Variants in PPP1R12B observed in about 807,000 individuals in gnomAD.
PPP1R12B encodes the protein protein phosphatase 1 regulatory subunit 12B.
A neutral mutation model predicts 126.1 loss-of-function variants in PPP1R12B; 76 were observed. That is an observed-to-expected ratio of 0.60 (90% CI 0.50 to 0.73). The LOEUF (loss-of-function observed/expected upper bound fraction) is 0.73. Ranked by LOEUF, PPP1R12B falls within the 30% of genes least tolerant of loss-of-function variation. The pLI, the probability that PPP1R12B is intolerant of heterozygous loss-of-function variation, is 0.00. For synonymous variants in PPP1R12B, 356 were observed against 434.7 expected (o/e 0.82, Z 2.25); for missense variants, 1,052 against 1,205.1 (o/e 0.87, Z 1.88).
chr1:202,497,987 C>T (rs887102349), intron 18 of PPP1R12B, among the ~76,000 whole-genome samples: 9 of 152,130 alleles, frequency 5.9e-5, no homozygotes, highest in African/African-American at 1.9e-4. Context: ...TGAAATGGAA[C>T]ATTATCCATA....
chr1:202,453,573 C>T (rs1006364923), intron 13 of PPP1R12B, among the ~76,000 whole-genome samples: 1 of 151,936 alleles, frequency 6.6e-6, no homozygotes, highest in Non-Finnish European at 1.5e-5. Context: ...TCAGGTCCCA[C>T]GTGAGTATGT....
intron 1 of PPP1R12B, among the ~76,000 whole-genome samples, chr1:202,409,930 A>C (rs995513460): frequency 3.3e-5 from 5 of 152,094 alleles, no homozygotes; most frequent in African/African-American, 1.2e-4. Context: ...CTTATTGGCC[A>C]TTTGTATATC....
chr1:202,373,992 G>A (rs750410138), intron 1 of PPP1R12B, among the ~76,000 whole-genome samples: 9 of 152,036 alleles, frequency 5.9e-5, no homozygotes, highest in Non-Finnish European at 8.8e-5. Flanking sequence ...TTATAAAACC[G>A]TTAATAACCC....
chr1:202,395,114 CAAA>C (rs71142529), intron 1 of PPP1R12B, among the ~76,000 whole-genome samples: 1 of 97,954 alleles, frequency 1.0e-5, no homozygotes, highest in Non-Finnish European at 1.9e-5. Context: ...GAGACTCTCT[CAAA>C]AAAAAAAAAA....
At chr1:202,377,832 G>GTTTTTTTTTTTTTTT (rs74860606) in intron 1 of PPP1R12B, among the ~76,000 whole-genome samples, 1 of 97,306 alleles carries the variant, frequency 1.0e-5, no homozygotes, top group African/African-American at 5.0e-5. Flanking sequence ...AAAGACAGGT[G>GTTTTTTTTTTTTTTT]TTTTTTTTTT....
Position 202,405,597 on chromosome 1 carries a change from T to C in PPP1R12B, c.292-11190T>C, listed in dbSNP as rs182371741. On this transcript the variant is annotated intron_variant, in intron 1 of 23. Transcript: ENST00000608999. ...TGTACATTAGCTCATTTAATCCTAA[T>C]TGTAACTCCATGAAGTAGTTCTTAT... 2.0e-3 allele frequency among the ~76,000 whole-genome samples: 308 copies of C among 152,314 alleles called. 1 individual carries two copies. The highest frequency in any genetic ancestry group is 7.0e-3 in the African/African-American group (292 of 41,590).
rs34474600 is a variant in PPP1R12B, at chr1:202,466,459, C to CT, written c.1850+17298dup. On this transcript the variant is annotated intron_variant, in intron 13 of 23. Coordinates refer to ENST00000608999, the MANE Select transcript of PPP1R12B (RefSeq NM_002481.4). ...CTCCTTCTTTGTGTTCTTTTTAGCC[C>CT]TTTTTTTTTTCTGTAAACACCTTAG... is the stretch of plus-strand genomic sequence containing the variant. Among the ~76,000 whole-genome samples, 170 of 148,622 alleles carry CT rather than the reference C, an allele frequency of 1.1e-3. 6 individuals carry two copies. The highest frequency in any genetic ancestry group is 1.6e-3 in the African/African-American group (65 of 40,598).
At chr1:202,546,367 G>T (rs1185533376) in intron 18 of PPP1R12B, among the ~76,000 whole-genome samples, 3 of 152,190 alleles carry the variant, frequency 2.0e-5, no homozygotes, top group African/African-American at 7.2e-5. Context: ...CATTTTGGGA[G>T]GCAGAGATGG....
intron 18 of PPP1R12B, among the ~76,000 whole-genome samples, chr1:202,504,026 C>A (rs1680535055): frequency 6.6e-6 from 1 of 152,138 alleles, no homozygotes; most frequent in Admixed American, 6.5e-5. Flanking sequence ...TGTTAACTTA[C>A]CTCTTGGTCT....
At chr1:202,438,925 G>T in intron 10 of PPP1R12B, 1 of 1,527,486 alleles carries the variant, frequency 6.5e-7, no homozygotes, top group South Asian at 1.1e-5. Flanking sequence ...GCCTGGAGGT[G>T]ACCCCGAAGA....
chr1:202,474,170 A>C (rs1676324163), intron 13 of PPP1R12B, among the ~76,000 whole-genome samples: 1 of 152,256 alleles, frequency 6.6e-6, no homozygotes, highest in South Asian at 2.1e-4. Context: ...TACTTAAAGT[A>C]CCACATATAA....
intron 13 of PPP1R12B, among the ~76,000 whole-genome samples, chr1:202,460,913 A>AG (rs1674229991): frequency 6.6e-6 from 1 of 152,206 alleles, no homozygotes; most frequent in Admixed American, 6.5e-5. Context: ...AACTGCTTTC[A>AG]GTGTCATATG....
At chr1:202,399,802 T>C (rs1486901363) in intron 1 of PPP1R12B, among the ~76,000 whole-genome samples, 2 of 152,200 alleles carry the variant, frequency 1.3e-5, no homozygotes, top group Admixed American at 1.3e-4. Flanking sequence ...GGCCGATATT[T>C]GTTTTTCCTT....
At chr1:202,452,906 A>G (rs1034289517) in intron 13 of PPP1R12B, among the ~76,000 whole-genome samples, 1 of 150,340 alleles carries the variant, frequency 6.7e-6, no homozygotes, top group Non-Finnish European at 1.5e-5. Flanking sequence ...GGGTCAAGCC[A>G]TTTTCCCACC....
At chr1:202,385,848 G>T (rs1174964057) in intron 1 of PPP1R12B, among the ~76,000 whole-genome samples, 2 of 151,954 alleles carry the variant, frequency 1.3e-5, no homozygotes, top group African/African-American at 4.8e-5. Flanking sequence ...TATTCAAAAG[G>T]TTTACTGCAA....
At chr1:202,375,125 G>T (rs1186137043) in intron 1 of PPP1R12B, among the ~76,000 whole-genome samples, 1 of 151,810 alleles carries the variant, frequency 6.6e-6, no homozygotes, top group Non-Finnish European at 1.5e-5. Context: ...TGTATTTTTA[G>T]TAGAGATGGG....
Position 202,495,441 on chromosome 1 carries a change from C to T in PPP1R12B, c.2294C>T (p.Thr765Ile), listed in dbSNP as rs370102069. ...GTCCCTGATTCTGAGAGTTCAGAGA[C>T]TACCACAAACACTACAACTGCAAAG... The part of the protein sequence containing the change: ...FSVPDSESSE[T>I]TTNTTTAKEM... The change falls in exon 16 of 24, where the codon ACT becomes ATT. Residue 765 changes from threonine to isoleucine, a missense_variant. By Grantham distance (89) the Thr-to-Ile change is moderately conservative. Transcript: ENST00000608999. 1.2e-6 allele frequency: 2 copies of T among 1,608,310 alleles called. No homozygotes were observed. The highest frequency in any genetic ancestry group is 2.7e-5 in the African/African-American group (2 of 74,752).
In PPP1R12B at chr1:202,430,828, G is replaced by C. The variant is rs1266373730; in HGVS notation, c.1001+18G>C. The C allele has an allele frequency of 1.2e-6, 2 of 1,609,316 alleles. No homozygotes were observed. The highest frequency in any genetic ancestry group is 3.3e-5 in the Admixed American group (2 of 59,720). ...TTTAAGAAGTAAGACATTTAGGCTT[G>C]AGTAATGGGATGAGCTTTGCTCTGT... is the stretch of plus-strand genomic sequence containing the variant. On this transcript the variant is annotated intron_variant, in intron 7 of 23. Coordinates refer to ENST00000608999, the MANE Select transcript of PPP1R12B (RefSeq NM_002481.4).
intron 1 of PPP1R12B, among the ~76,000 whole-genome samples, chr1:202,405,279 G>C (rs542817335): frequency 1.3e-5 from 2 of 152,202 alleles, no homozygotes; most frequent in East Asian, 3.9e-4. Context: ...AGCTATAGGA[G>C]CCCTGGCCCA....
Sources: gnomAD v4.1 joint callset for allele counts (sites outside exome capture counted in the v4.1 genomes callset) on GRCh38, gnomAD v4.1.1 for gene constraint, MANE v1.5 for transcripts, NCBI Gene and HGNC (gene_info 2026-07-23, HGNC 2026-07-21) for gene names.